THSD7A: variants seen among roughly 807,000 people sequenced by gnomAD.
The protein encoded by THSD7A is thrombospondin type-1 domain-containing protein 7A.
In THSD7A, 96 loss-of-function variants were observed where a neutral mutation model predicts 231.3. The observed-to-expected ratio is 0.41, with a 90% CI of 0.35 to 0.49. The LOEUF (loss-of-function observed/expected upper bound fraction) is 0.49, where lower values mean the gene tolerates loss of function less well. Among genes scored for constraint, THSD7A ranks in the 20% least tolerant of loss-of-function variants. The probability of loss-of-function intolerance (pLI) is 0.05; values close to 1 mark genes in which losing one functional copy is unlikely to be tolerated. For missense variants in THSD7A, 2,290 were observed against 2,070.2 expected, an observed-to-expected ratio of 1.11 and a Z score of -2.06; for synonymous variants, 940 against 743.3, an observed-to-expected ratio of 1.26 and a Z score of -4.30.
intron 1 of THSD7A, among the ~76,000 whole-genome samples, chr7:11,653,491 T>C (rs1365408292): frequency 7.0e-6 from 1 of 143,034 alleles, no homozygotes; most frequent in African/African-American, 2.6e-5. Context: ...TGTGTGTGTG[T>C]GTGTGTTTTC....
intron 1 of THSD7A, among the ~76,000 whole-genome samples, chr7:11,711,381 A>T (rs1259567711): frequency 6.6e-6 from 1 of 151,032 alleles, no homozygotes; most frequent in Non-Finnish European, 1.5e-5. Flanking sequence ...CCAAGTTAAC[A>T]TGGCATTCCT....
At chr7:11,683,603 A>G (rs1027813186) in intron 1 of THSD7A, among the ~76,000 whole-genome samples, 1 of 152,070 alleles carries the variant, frequency 6.6e-6, no homozygotes, top group Non-Finnish European at 1.5e-5. Context: ...ATGTCTATGC[A>G]TACAAGCTAG....
intron 9 of THSD7A, among the ~76,000 whole-genome samples, chr7:11,464,142 G>T (rs1467572664): frequency 1.3e-5 from 2 of 151,312 alleles, no homozygotes; most frequent in African/African-American, 4.9e-5. Context: ...TTTGTTTTAT[G>T]TGTATGAACT....
chr7:11,440,340 C>G (rs1207216033), intron 13 of THSD7A, among the ~76,000 whole-genome samples: 1 of 152,058 alleles, frequency 6.6e-6, no homozygotes, highest in Non-Finnish European at 1.5e-5. Context: ...CCTGCTAACA[C>G]AATATCTATT....
chr7:11,686,929 T>A (rs1175339565), intron 1 of THSD7A, among the ~76,000 whole-genome samples: 1 of 151,760 alleles, frequency 6.6e-6, no homozygotes, highest in African/African-American at 2.4e-5. Context: ...ATACAATATA[T>A]CCAGGTAACA....
intron 1 of THSD7A, among the ~76,000 whole-genome samples, chr7:11,644,829 A>G (rs1463558197): frequency 1.3e-5 from 2 of 151,926 alleles, no homozygotes; most frequent in Non-Finnish European, 2.9e-5. Flanking sequence ...CTCTCATAAC[A>G]CTACCTGACC....
intron 1 of THSD7A, among the ~76,000 whole-genome samples, chr7:11,816,743 T>A (rs972826899): frequency 3.4e-5 from 5 of 148,672 alleles, no homozygotes; most frequent in African/African-American, 9.9e-5. Context: ...GTGAAAAAAG[T>A]GTATAATTGC....
chr7:11,782,671 A>G (rs1783670851), intron 1 of THSD7A, among the ~76,000 whole-genome samples: 1 of 152,188 alleles, frequency 6.6e-6, no homozygotes, highest in Non-Finnish European at 1.5e-5. Flanking sequence ...AAAGCAGAAT[A>G]TAATTATAAA....
chr7:11,703,974 G>A (rs1315648866), intron 1 of THSD7A, among the ~76,000 whole-genome samples: 1 of 151,116 alleles, frequency 6.6e-6, no homozygotes, highest in African/African-American at 2.4e-5. Flanking sequence ...GACTTGAGTT[G>A]AAAACAAAAT....
At chr7:11,745,516 G>A (rs1159387220) in intron 1 of THSD7A, among the ~76,000 whole-genome samples, 1 of 151,978 alleles carries the variant, frequency 6.6e-6, no homozygotes, top group Non-Finnish European at 1.5e-5. Context: ...TGAAGTCCTT[G>A]CCCATGCCTA....
In THSD7A at chr7:11,778,833, TCTATGCACAAATAA is replaced by T. The variant is rs1583283787; in HGVS notation, c.190+52910_190+52923del. Among the ~76,000 whole-genome samples the T allele has an allele frequency of 1.1e-4, 16 of 152,262 alleles. No individual in the cohort carries two copies. The East Asian group carries it at 3.1e-3, about 29-fold the overall frequency. ...AGAAATATACCAATGTTTCTATAAA[TCTATGCACAAATAA>T]ATGTATAACATCCTTATTAATTTTC... is the stretch of plus-strand genomic sequence containing the variant. On this transcript the variant is annotated intron_variant, in intron 1 of 27. Coordinates refer to ENST00000423059, the MANE Select transcript of THSD7A (RefSeq NM_015204.3).
At chr7:11,546,835 T>C (rs987207771) in intron 4 of THSD7A, among the ~76,000 whole-genome samples, 1 of 152,060 alleles carries the variant, frequency 6.6e-6, no homozygotes, top group Non-Finnish European at 1.5e-5. Context: ...AGTAAAAAGA[T>C]GAAATAGCTT....
Position 11,788,458 on chromosome 7 carries a change from C to T in THSD7A, c.190+43299G>A, listed in dbSNP as rs1783855494. Among the ~76,000 whole-genome samples, 3 of 152,092 alleles carry T rather than the reference C, an allele frequency of 2.0e-5. No individual in the cohort carries two copies. In the South Asian group the frequency reaches 6.2e-4, roughly 32 times the overall value. ...CCCAATCCTCATGCCCATTTTGTTTCCTGAGAGCCTCTTGTTATTATTCAC... is the reference window on the plus strand; with the variant it reads ...CCCAATCCTCATGCCCATTTTGTTTTCTGAGAGCCTCTTGTTATTATTCAC... On this transcript the variant is annotated intron_variant, in intron 1 of 27. Transcript: ENST00000423059.
intron 2 of THSD7A, among the ~76,000 whole-genome samples, chr7:11,609,719 T>C (rs755801903): frequency 1.3e-5 from 2 of 152,170 alleles, no homozygotes. Context: ...TACTCCTAGA[T>C]ACTCATCACA....
intron 1 of THSD7A, among the ~76,000 whole-genome samples, chr7:11,640,883 C>T (rs1030067469): frequency 1.3e-5 from 2 of 152,054 alleles, no homozygotes; most frequent in African/African-American, 4.8e-5. Context: ...TAAAAATGCA[C>T]TCCCTAAAGG....
At chr7:11,767,305 A>G (rs981408876) in intron 1 of THSD7A, among the ~76,000 whole-genome samples, 1 of 152,160 alleles carries the variant, frequency 6.6e-6, no homozygotes, top group African/African-American at 2.4e-5. Context: ...GACCTACATT[A>G]TCTGGTTCTT....
chr7:11,800,569 G>A (rs1379251868), intron 1 of THSD7A, among the ~76,000 whole-genome samples: 1 of 151,938 alleles, frequency 6.6e-6, no homozygotes, highest in Non-Finnish European at 1.5e-5. Context: ...AAAAAATATC[G>A]TATTTGTAAT....
intron 1 of THSD7A, among the ~76,000 whole-genome samples, chr7:11,797,590 T>A (rs1295095024): frequency 2.0e-5 from 3 of 151,874 alleles, no homozygotes; most frequent in Non-Finnish European, 2.9e-5. Flanking sequence ...CTAATTTTTT[T>A]AATATTCTTG....
Position 11,474,319 on chromosome 7 carries a change from T to C in THSD7A, c.2252+15A>G, listed in dbSNP as rs753173881. 2.5e-6 allele frequency: 4 copies of C among 1,598,646 alleles called. No homozygotes were observed. In the South Asian group the frequency reaches 3.4e-5, roughly 14 times the overall value. ...GTGGCTACACGATTTACTGTTGTCATTCTAAAGCTCTTACTTTTTGGGTCC... is the reference window on the plus strand; with the variant it reads ...GTGGCTACACGATTTACTGTTGTCACTCTAAAGCTCTTACTTTTTGGGTCC... On this transcript the variant is annotated intron_variant, in intron 8 of 27. Coordinates refer to ENST00000423059, the MANE Select transcript of THSD7A (RefSeq NM_015204.3). The surrounding 1 kb of genome is among the most constrained non-coding windows in gnomAD (Gnocchi z 4.1).
Sources: allele counts gnomAD v4.1 joint callset (sites outside exome capture counted in the v4.1 genomes callset), GRCh38; gene constraint gnomAD v4.1.1; non-coding constraint Gnocchi (gnomAD v3.1); transcripts MANE v1.5; gene names NCBI Gene and HGNC (gene_info 2026-07-23, HGNC 2026-07-21).